Variants in SNX29 observed in about 807,000 individuals in gnomAD.
SNX29 encodes the protein sorting nexin-29.
In SNX29, 78 loss-of-function variants were observed where a neutral mutation model predicts 102.1. The observed-to-expected ratio is 0.76, with a 90% CI of 0.64 to 0.92. SNX29 has a LOEUF of 0.92. SNX29 is among the 40% of genes least tolerant of loss of function. The probability of loss-of-function intolerance (pLI) is 0.00; values close to 1 mark genes in which losing one functional copy is unlikely to be tolerated. For missense variants in SNX29, 1,280 were observed against 1,061.7 expected (o/e 1.21, Z -2.86); for synonymous variants, 580 against 414.5 (o/e 1.40, Z -4.85).
intron 11 of SNX29, among the ~76,000 whole-genome samples, chr16:12,099,676 C>T (rs755275183): frequency 6.6e-6 from 1 of 152,180 alleles, no homozygotes; most frequent in Non-Finnish European, 1.5e-5. Flanking sequence ...TTCAGACTCC[C>T]ACCAGCATCT....
intron 4 of SNX29, among the ~76,000 whole-genome samples, chr16:12,039,113 C>T (rs567904147): frequency 6.6e-6 from 1 of 152,314 alleles, no homozygotes; most frequent in East Asian, 1.9e-4. Context: ...TCCACAAATA[C>T]TTATGCACAC....
At position 12,446,979 on chromosome 16, in the gene SNX29, A is replaced by G. The variant is rs149475164; in HGVS notation, c.2038-30740A>G. Among the ~76,000 whole-genome samples the G allele has an allele frequency of 8.2e-3, 1,242 of 151,930 alleles. 22 individuals are homozygous for G. The highest frequency in any genetic ancestry group is 0.028 in the African/African-American group (1,165 of 41,404). ...CAGGGGTTCAAGACCAGCCTGACCA[A>G]CATGGTGAGACCCCGTCTCTACTAT... On this transcript the variant is annotated intron_variant, in intron 18 of 20. Transcript: ENST00000566228.
At chr16:12,192,687 T>G (rs2076673337) in intron 13 of SNX29, among the ~76,000 whole-genome samples, 1 of 151,788 alleles carries the variant, frequency 6.6e-6, no homozygotes, top group Admixed American at 6.6e-5. Flanking sequence ...AATTTTTAAA[T>G]TAATTTTATT....
intron 16 of SNX29, among the ~76,000 whole-genome samples, chr16:12,371,168 C>T (rs1034439389): frequency 3.3e-5 from 5 of 152,206 alleles, no homozygotes; most frequent in African/African-American, 7.2e-5. Context: ...GCCAGCCAGG[C>T]GTTGGGGATC....
chr16:12,122,037 A>G (rs2053995195), intron 11 of SNX29, among the ~76,000 whole-genome samples: 1 of 152,106 alleles, frequency 6.6e-6, no homozygotes. Context: ...GATGGTCTTC[A>G]TCTCCTGACC....
At chr16:12,074,023 T>A (rs1366925719) in intron 10 of SNX29, among the ~76,000 whole-genome samples, 1 of 152,142 alleles carries the variant, frequency 6.6e-6, no homozygotes, top group Non-Finnish European at 1.5e-5. Context: ...ATTTGCTTGG[T>A]GGCTCTTCCT....
Position 12,561,277 on chromosome 16 carries a change from C to T in SNX29, c.2319-7229C>T, listed in dbSNP as rs1414213570. 4 of 230,274 alleles carry T rather than the reference C, an allele frequency of 1.7e-5. No individual in the cohort carries two copies. In the South Asian group the frequency reaches 5.5e-4, roughly 31 times the overall value. 14.3% of individuals were successfully genotyped at this position (230,274 alleles called of 1,614,324 possible). On this transcript the variant is annotated intron_variant, in intron 20 of 20. Transcript: ENST00000566228. ...ACTCCACAGATCCAAGGGGCTAAGACACAGGGAGAACATTCTCCATGATCT... is the reference window on the plus strand; with the variant it reads ...ACTCCACAGATCCAAGGGGCTAAGATACAGGGAGAACATTCTCCATGATCT...
At chr16:12,519,644 A>C (rs1277836224) in intron 19 of SNX29, among the ~76,000 whole-genome samples, 1 of 152,254 alleles carries the variant, frequency 6.6e-6, no homozygotes, top group African/African-American at 2.4e-5. Context: ...AAGACTTTTT[A>C]GACAAAGTAT....
At chr16:12,512,145 C>A (rs2089648836) in intron 19 of SNX29, among the ~76,000 whole-genome samples, 1 of 151,390 alleles carries the variant, frequency 6.6e-6, no homozygotes, top group Non-Finnish European at 1.5e-5. Flanking sequence ...ACCAGCTGTC[C>A]CCCAGGGGAT....
intron 20 of SNX29, among the ~76,000 whole-genome samples, chr16:12,564,193 T>C (rs1462297373): frequency 6.7e-6 from 1 of 150,360 alleles, no homozygotes; most frequent in Non-Finnish European, 1.5e-5. Flanking sequence ...TTTGAGACCG[T>C]CCTGGGCACC....
At chr16:12,029,699 C>A (rs142208405) in intron 4 of SNX29, 3 of 440,138 alleles carry the variant, frequency 6.8e-6, no homozygotes, top group African/African-American at 2.0e-5. Flanking sequence ...GCAAGTGATT[C>A]TCCAGCCTCA....
chr16:12,165,655 G>C (rs539826353), intron 13 of SNX29, among the ~76,000 whole-genome samples: 1 of 152,338 alleles, frequency 6.6e-6, no homozygotes, highest in East Asian at 1.9e-4. Flanking sequence ...CTGCCTCCCA[G>C]GTTCAAGCAG....
intron 18 of SNX29, among the ~76,000 whole-genome samples, chr16:12,440,542 G>T (rs542542110): frequency 6.6e-6 from 1 of 152,092 alleles, no homozygotes; most frequent in African/African-American, 2.4e-5. Flanking sequence ...TCTTCACTCA[G>T]GTATTAAGCC....
rs1337216919 is a variant in SNX29, at chr16:12,570,286, T to C, written c.*1657T>C. On this transcript the variant is annotated 3_prime_UTR_variant, in exon 21 of 21. Coordinates refer to ENST00000566228, the MANE Select transcript of SNX29 (RefSeq NM_032167.5). ...TGGAGGTGCGGACCCTGCAGTCAGT[T>C]TGCGAGTGTGGAGGACCCGAGACAT... The C allele has an allele frequency of 9.4e-7, 1 of 1,061,484 alleles. No homozygotes were observed. Among genetic ancestry groups the C allele is most frequent in the Non-Finnish European group, 1.1e-6 (1 of 876,102 alleles). The allele number at this position is 1,061,484 out of a possible 1,614,324, so 65.8% of individuals were successfully genotyped here.
intron 19 of SNX29, among the ~76,000 whole-genome samples, chr16:12,483,592 G>C (rs2088080239): frequency 6.6e-6 from 1 of 152,220 alleles, no homozygotes; most frequent in African/African-American, 2.4e-5. Flanking sequence ...TGGGATTACA[G>C]GCGTGAGCCA....
chr16:12,367,899 A>G (rs552058585), intron 16 of SNX29, among the ~76,000 whole-genome samples: 2 of 152,368 alleles, frequency 1.3e-5, no homozygotes, highest in East Asian at 3.9e-4. Context: ...CAGAAATATT[A>G]GCCTTTGACA....
intron 13 of SNX29, among the ~76,000 whole-genome samples, chr16:12,147,124 T>C (rs1343916405): frequency 6.6e-6 from 1 of 152,210 alleles, no homozygotes; most frequent in African/African-American, 2.4e-5. Context: ...TGAACATCTG[T>C]GTTTTGAAGC....
chr16:12,092,316 A>G (rs2052590349), intron 11 of SNX29, among the ~76,000 whole-genome samples: 1 of 152,244 alleles, frequency 6.6e-6, no homozygotes, highest in South Asian at 2.1e-4. Context: ...GAACAAAGGA[A>G]CTAATGTTTA....
intron 20 of SNX29, among the ~76,000 whole-genome samples, chr16:12,566,187 A>G (rs767150896): frequency 4.6e-5 from 7 of 152,156 alleles, no homozygotes; most frequent in Admixed American, 2.6e-4. Flanking sequence ...TAGCCCTTGA[A>G]TCCTTACCAC....
Sources: gnomAD v4.1 joint callset for allele counts (sites outside exome capture counted in the v4.1 genomes callset) on GRCh38, gnomAD v4.1.1 for gene constraint, MANE v1.5 for transcripts, NCBI Gene and HGNC (gene_info 2026-07-23, HGNC 2026-07-21) for gene names.